CIZ1: variants seen among roughly 807,000 people sequenced by gnomAD.
The protein encoded by CIZ1 is cip1-interacting zinc finger protein.
Under a neutral mutation model 118.6 loss-of-function variants are expected in CIZ1, and 58 were observed. That is an observed-to-expected ratio of 0.49 (90% confidence interval 0.40 to 0.61). CIZ1 has a LOEUF of 0.61. Ranked by LOEUF, CIZ1 falls within the 20% of genes least tolerant of loss-of-function variation. The probability of loss-of-function intolerance (pLI) is 0.00; values close to 1 mark genes in which losing one functional copy is unlikely to be tolerated. For synonymous variants in CIZ1, 448 were observed against 443.4 expected (o/e 1.01, Z -0.13); for missense variants, 921 against 1,115.9 (o/e 0.83, Z 2.49).
chr9:128,177,233 G>A (rs1238309298), intron 10 of CIZ1, among the ~76,000 whole-genome samples: 1 of 152,114 alleles, frequency 6.6e-6, no homozygotes, highest in East Asian at 1.9e-4. Flanking sequence ...GCACAGGGTG[G>A]AATTCGCTTT....
At chr9:128,191,686 G>C, upstream of CIZ1, 3 of 1,285,636 alleles carry the variant, frequency 2.3e-6, no homozygotes, top group Non-Finnish European at 2.0e-6. The surrounding 1 kb of genome is among the most constrained non-coding windows in gnomAD (Gnocchi z 5.5). Context: ...CTGGGGGGCG[G>C]CTGCGGGGCG....
At chr9:128,177,131 A>C (rs1311392406) in intron 10 of CIZ1, among the ~76,000 whole-genome samples, 1 of 151,990 alleles carries the variant, frequency 6.6e-6, no homozygotes, top group Non-Finnish European at 1.5e-5. Context: ...CTTGTGATCC[A>C]CCCACCTCAG....
At chr9:128,191,583 G>T, upstream of CIZ1, 2 of 1,145,176 alleles carry the variant, frequency 1.7e-6, no homozygotes, top group East Asian at 4.2e-5. The surrounding 1 kb of genome is among the most constrained non-coding windows in gnomAD (Gnocchi z 5.5). Flanking sequence ...GCCCAAATGC[G>T]GGCGGGGCCG....
chr9:128,172,548 TA>T (rs1262555980), intron 11 of CIZ1, among the ~76,000 whole-genome samples: 1 of 152,118 alleles, frequency 6.6e-6, no homozygotes, highest in African/African-American at 2.4e-5. Flanking sequence ...CTCTATAAAA[TA>T]TGCAAATACA....
At chr9:128,180,371 G>T in intron 7 of CIZ1, 44 bp downstream of exon 7, 2 of 1,455,540 alleles carry the variant, frequency 1.4e-6, no homozygotes, top group Non-Finnish European at 1.9e-6. Flanking sequence ...AGGAATGAGA[G>T]CACAGGGCAC....
intron 10 of CIZ1, 141 bp downstream of exon 10, chr9:128,177,425 G>T: frequency 1.7e-6 from 1 of 605,070 alleles, no homozygotes; most frequent in Non-Finnish European, 2.7e-6. Flanking sequence ...CTGCCTTCTT[G>T]GCAGGTCAGG....
In CIZ1 at chr9:128,203,391, C is replaced by A. The variant is rs1302091812; in HGVS notation, c.-6+795G>T. ...CCGCGGCGCAGGCAGTCTGGGCGCG[C>A]GGCTGCAGCGGCGGAGCCGGAGTCG... On this transcript the variant is annotated intron_variant, in intron 1 of 17. Transcript: ENST00000372948. The surrounding 1 kb of genome is among the most constrained non-coding windows in gnomAD (Gnocchi z 5.3). The A allele has an allele frequency of 7.7e-7, 1 of 1,294,928 alleles. No individual in the cohort carries two copies. Among genetic ancestry groups the A allele is most frequent in the Non-Finnish European group, 9.8e-7 (1 of 1,016,338 alleles). 80.2% of individuals were successfully genotyped at this position (1,294,928 alleles called of 1,614,324 possible).
At chr9:128,193,311 A>T (rs1833287505), upstream of CIZ1, among the ~76,000 whole-genome samples, 1 of 152,136 alleles carries the variant, frequency 6.6e-6, no homozygotes, top group African/African-American at 2.4e-5. Context: ...AGCACTGGAG[A>T]AGGGTGTGAA....
At chr9:128,196,518 A>C (rs1011664572), upstream of CIZ1, among the ~76,000 whole-genome samples, 35 of 151,786 alleles carry the variant, frequency 2.3e-4, no homozygotes, top group African/African-American at 8.4e-4. Flanking sequence ...ACTGCACTTC[A>C]GCCTTGGCAA....
intron 1 of CIZ1, chr9:128,197,030 C>T (rs891375974): frequency 2.6e-5 from 4 of 152,220 alleles, no homozygotes; most frequent in African/African-American, 9.7e-5. Context: ...TGGCAATTGA[C>T]TATAGCTTCT....
Position 128,178,379 on chromosome 9 carries a change from T to C in CIZ1, c.1610A>G (p.Glu537Gly), listed in dbSNP as rs535553816. 2 of 1,612,918 alleles carry C rather than the reference T, an allele frequency of 1.2e-6. No individual in the cohort carries two copies. Among genetic ancestry groups the C allele is most frequent in the South Asian group, 1.1e-5 (1 of 90,962 alleles). The change falls in exon 9 of 17, where the codon GAG becomes GGG. Residue 537 changes from glutamate (E) to glycine (G), a missense_variant. Glu to Gly is a moderately conservative substitution (Grantham distance 98, BLOSUM62 -2). Coordinates refer to ENST00000372938, the MANE Select transcript of CIZ1 (RefSeq NM_001131016.2). ...DVGECENRAR[E>G]MPGVWGAGGS... ...AGGGCCTCTACCCACCCCTGGCATCTCTCTCGCTCTGTTTTCACATTCTCC... is the reference window on the plus strand; with the variant it reads ...AGGGCCTCTACCCACCCCTGGCATCCCTCTCGCTCTGTTTTCACATTCTCC...
chr9:128,167,541 G>C (rs985273506), intron 14 of CIZ1: 7 of 209,512 alleles, frequency 3.3e-5, no homozygotes, highest in Non-Finnish European at 6.8e-5. Flanking sequence ...TAACTCACTT[G>C]TCTAGGGTTG....
chr9:128,166,938 C>T lies in CIZ1; in HGVS notation c.2366-58G>A. ...ATCCCTGTACCAGCGAGGTGTCCCTCCCTCTCTAGGGGCCCATGTGCTCCC... is the reference window on the plus strand; with the variant it reads ...ATCCCTGTACCAGCGAGGTGTCCCTTCCTCTCTAGGGGCCCATGTGCTCCC... On this transcript the variant is annotated intron_variant, in intron 15 of 16. Transcript: ENST00000372938. This position sits in a 1 kb window ranked among gnomAD's most constrained non-coding sequence, Gnocchi z 4.4. 9 of 1,613,338 alleles carry T rather than the reference C, an allele frequency of 5.6e-6. No individual in the cohort carries two copies. The South Asian group carries it at 9.9e-5, about 18-fold the overall frequency.
intron 5 of CIZ1, among the ~76,000 whole-genome samples, chr9:128,184,841 G>A (rs1348572197): frequency 1.3e-5 from 2 of 151,772 alleles, no homozygotes; most frequent in African/African-American, 4.8e-5. Flanking sequence ...CTACTTTTTT[G>A]TATTTTTAGT....
chr9:128,177,546 C>CAAAAAAACAA lies in CIZ1; in HGVS notation c.1818+19_1818+20insTTGTTTTTTT. 7.4e-7 allele frequency: 1 copy of CAAAAAAACAA among 1,353,458 alleles called. No homozygotes were observed. Among genetic ancestry groups the CAAAAAAACAA allele is most frequent in the Non-Finnish European group, 9.9e-7 (1 of 1,013,754 alleles). The allele number at this position is 1,353,458 out of a possible 1,614,324, so 83.8% of individuals were successfully genotyped here. The stretch of plus-strand genomic sequence containing the variant: ...CACGCAGGCCCCACCCCTCCCCACC[C>CAAAAAAACAA]TTATCTCCTGTATCAGTACCTGCTG... On this transcript the variant is annotated intron_variant, in intron 10 of 16. Transcript: ENST00000372938.
At chr9:128,190,081 T>C (rs1307119947) in intron 3 of CIZ1, among the ~76,000 whole-genome samples, 2 of 152,192 alleles carry the variant, frequency 1.3e-5, no homozygotes, top group Admixed American at 1.3e-4. Context: ...GTGAGTGAAG[T>C]GTGCTGAGTA....
upstream of CIZ1, chr9:128,191,628 A>T: frequency 8.2e-7 from 1 of 1,215,718 alleles, no homozygotes. This position sits in a 1 kb window ranked among gnomAD's most constrained non-coding sequence, Gnocchi z 5.5. Flanking sequence ...CGGGAGGTCC[A>T]GGCGCCTCCG....
At position 128,177,654 on chromosome 9, in the gene CIZ1, G is replaced by T; in HGVS notation, c.1730C>A (p.Ser577Tyr). The T allele has an allele frequency of 6.3e-7, 1 of 1,593,232 alleles. No homozygotes were observed. The highest frequency in any genetic ancestry group is 8.5e-7 in the Non-Finnish European group (1 of 1,170,214). Reference sequence around the variant, plus strand: ...AGTGCTGGTAGCCGCAGGGGTGGAGGAGACGGAGTCACTGGGGCGGGGGAC... The same window carrying T: ...AGTGCTGGTAGCCGCAGGGGTGGAGTAGACGGAGTCACTGGGGCGGGGGAC... ...TPVPRPSDSV[S>Y]STPAATSTPS... Residue 577 changes from serine to tyrosine, a missense_variant, in exon 10 of 17, where the codon TCC (serine) becomes TAC (tyrosine). Transcript: ENST00000372938.
rs960080405 is a variant in CIZ1, at chr9:128,191,513, G to A, written c.-87C>T. The A allele has an allele frequency of 7.9e-6, 8 of 1,006,710 alleles. No individual in the cohort carries two copies. The highest frequency in any genetic ancestry group is 4.6e-5 in the South Asian group (1 of 21,748). 62.4% of individuals were successfully genotyped at this position (1,006,710 alleles called of 1,614,324 possible). On this transcript the variant is annotated 5_prime_UTR_variant, in exon 1 of 17. Coordinates refer to ENST00000372938, the MANE Select transcript of CIZ1 (RefSeq NM_001131016.2). The surrounding 1 kb of genome is among the most constrained non-coding windows in gnomAD (Gnocchi z 5.5). The stretch of plus-strand genomic sequence containing the variant: ...GCAGCCCCCACGCCTCGGCCGGGCG[G>A]CTCCGGCCCGCGGGCTCCCGGCCTC...
Sources: gnomAD v4.1 joint callset for allele counts (sites outside exome capture counted in the v4.1 genomes callset) on GRCh38, gnomAD v4.1.1 for gene constraint, Gnocchi (gnomAD v3.1) non-coding constraint, MANE v1.5 for transcripts, NCBI Gene and HGNC (gene_info 2026-07-23, HGNC 2026-07-21) for gene names.